Variants in ABCA13 observed in about 807,000 individuals in gnomAD.
The protein encoded by ABCA13 is ATP binding cassette subfamily A member 13, also known as ATP-binding cassette sub-family A member 13.
In ABCA13, 476 loss-of-function variants were observed where a neutral mutation model predicts 478.7. That is an observed-to-expected ratio of 0.99 (90% CI 0.92 to 1.07). The LOEUF is 1.07. Ranked by LOEUF, ABCA13 falls within the 50% of genes least tolerant of loss-of-function variation. ABCA13 has a pLI of 0.00. For synonymous variants in ABCA13, 2,252 were observed against 2,158.9 expected (o/e 1.04, Z -1.20); for missense variants, 6,060 against 5,910.6 (o/e 1.03, Z -0.83).
chr7:48,366,204 G>T (rs913820822), intron 31 of ABCA13, among the ~76,000 whole-genome samples: 3 of 152,012 alleles, frequency 2.0e-5, no homozygotes, highest in African/African-American at 7.2e-5. Context: ...GCTTCACTGT[G>T]ACCCGTGTTC....
rs373961065 is a variant in ABCA13 at position 48,245,882 on chromosome 7, T to A, written c.1511T>A (p.Val504Asp). Residue 504 changes from valine (V) to aspartate (D), a missense_variant, in exon 13 of 62, where the codon GTC becomes GAC. Coordinates refer to ENST00000435803, the MANE Select transcript of ABCA13 (RefSeq NM_152701.5). The stretch of plus-strand genomic sequence containing the variant: ...TTTTAGATGTTGGCGAAGAATGCTG[T>A]CTGCCCGAATGGTCGTTTCTCTGAG... ...ELKQMLAKNA[V>D]CPNGRFSEKE... 9.3e-6 allele frequency: 15 copies of A among 1,613,082 alleles called. No individual in the cohort carries two copies. Among genetic ancestry groups the A allele is most frequent in the Non-Finnish European group, 1.3e-5 (15 of 1,179,574 alleles).
chr7:48,357,061 C>G (rs1810040366), intron 31 of ABCA13, among the ~76,000 whole-genome samples: 1 of 151,834 alleles, frequency 6.6e-6, no homozygotes, highest in African/African-American at 2.4e-5. Context: ...CTGGGTCAGG[C>G]TGAGTGATGG....
intron 55 of ABCA13, among the ~76,000 whole-genome samples, chr7:48,544,484 T>C (rs1784635565): frequency 6.6e-6 from 1 of 151,568 alleles, no homozygotes; most frequent in Non-Finnish European, 1.5e-5. Flanking sequence ...TGATCACAAA[T>C]GACCAACGAT....
At chr7:48,174,299 T>A (rs1209293688) in intron 1 of ABCA13, among the ~76,000 whole-genome samples, 1 of 152,220 alleles carries the variant, frequency 6.6e-6, no homozygotes, top group Non-Finnish European at 1.5e-5. Context: ...CTGTTTTTTT[T>A]AGCTTTTTTT....
At chr7:48,478,246 T>G (rs1435288988) in intron 45 of ABCA13, among the ~76,000 whole-genome samples, 1 of 147,786 alleles carries the variant, frequency 6.8e-6, no homozygotes, top group African/African-American at 2.5e-5. Context: ...ATATAATATT[T>G]CATTTATATA....
At chr7:48,365,206 C>T (rs570558679) in intron 31 of ABCA13, among the ~76,000 whole-genome samples, 24 of 151,978 alleles carry the variant, frequency 1.6e-4, no homozygotes, top group African/African-American at 4.6e-4. Context: ...CATTTGTGGT[C>T]GTTTATTTTT....
rs1307996848 is a variant in ABCA13 at position 48,580,264 on chromosome 7, C to T, written c.14395C>T (p.Leu4799Phe). Residue 4799 changes from leucine (L) to phenylalanine (F), a missense_variant, in exon 56 of 62, where the codon CTC becomes TTC. Physicochemically the swap from Leu to Phe is conservative, Grantham distance 22. Coordinates refer to ENST00000435803, the MANE Select transcript of ABCA13 (RefSeq NM_152701.5). The stretch of plus-strand genomic sequence containing the variant: ...GTCTTCTGCTGGCACGGCAGGCGTG[C>T]TCATTGGCTACTGTCCCCAGCAGGA... ...DLSSAGTAGV[L>F]IGYCPQQDAL... 1.2e-6 allele frequency: 2 copies of T among 1,611,318 alleles called. No individual in the cohort carries two copies. Among genetic ancestry groups the T allele is most frequent in the Admixed American group, 1.7e-5 (1 of 59,732 alleles).
chr7:48,219,016 G>C (rs1321274959), intron 3 of ABCA13, among the ~76,000 whole-genome samples: 1 of 152,182 alleles, frequency 6.6e-6, no homozygotes, highest in Non-Finnish European at 1.5e-5. Context: ...TGTCCGTACT[G>C]TTCACTGATG....
chr7:48,260,262 G>T (rs1793991760), intron 15 of ABCA13, among the ~76,000 whole-genome samples: 1 of 151,996 alleles, frequency 6.6e-6, no homozygotes, highest in African/African-American at 2.4e-5. Context: ...TAACTGTGTT[G>T]TAATTTGAAT....
chr7:48,232,490 T>G (rs916091754), intron 7 of ABCA13, among the ~76,000 whole-genome samples: 2 of 152,156 alleles, frequency 1.3e-5, no homozygotes, highest in Non-Finnish European at 2.9e-5. Flanking sequence ...CAAAACATAC[T>G]TTGAGAGGTA....
At chr7:48,372,952 G>A (rs777556121) in intron 33 of ABCA13, among the ~76,000 whole-genome samples, 2 of 152,098 alleles carry the variant, frequency 1.3e-5, no homozygotes, top group African/African-American at 4.8e-5. Flanking sequence ...AAAAACGTAT[G>A]ATAACACTTT....
At chr7:48,367,625 A>G (rs1585032686) in intron 31 of ABCA13, among the ~76,000 whole-genome samples, 169 bp from the exon 32 acceptor site, 5 of 152,288 alleles carry the variant, frequency 3.3e-5, no homozygotes, top group Admixed American at 3.3e-4. Flanking sequence ...TTGCATACCT[A>G]CAAAATCAGC....
intron 55 of ABCA13, among the ~76,000 whole-genome samples, chr7:48,576,192 C>T (rs993445002): frequency 9.2e-5 from 14 of 152,126 alleles, no homozygotes; most frequent in African/African-American, 2.7e-4. Context: ...GAGTCCTAGA[C>T]CCACCCCCCA....
At chr7:48,349,124 G>A (rs1360636251) in intron 29 of ABCA13, among the ~76,000 whole-genome samples, 2 of 152,196 alleles carry the variant, frequency 1.3e-5, no homozygotes, top group Non-Finnish European at 2.9e-5. Context: ...CAAGTGCCCA[G>A]AATTGTACCT....
intron 3 of ABCA13, among the ~76,000 whole-genome samples, chr7:48,200,658 A>G (rs1264849881): frequency 6.6e-6 from 1 of 152,160 alleles, no homozygotes; most frequent in African/African-American, 2.4e-5. Flanking sequence ...AGGAAATTGT[A>G]AGGAGTAAGG....
Position 48,372,251 on chromosome 7 carries a change from T to G in ABCA13, c.10887T>G (p.Ser3629Arg), listed in dbSNP as rs781146355. 1 of 1,613,974 alleles carries G rather than the reference T, an allele frequency of 6.2e-7. No homozygotes were observed. The highest frequency in any genetic ancestry group is 1.1e-5 in the South Asian group (1 of 91,080). ...ACATGGCTGTGTTGACCATAAGCAGTGCTACTCTGGCCATCGTTCTGAAAA... is the reference window on the plus strand; with the variant it reads ...ACATGGCTGTGTTGACCATAAGCAGGGCTACTCTGGCCATCGTTCTGAAAA... ...LENMAVLTIS[S>R]ATLAIVLKTS... The change falls in exon 33 of 62, where the codon AGT becomes AGG. Residue 3629 changes from serine to arginine, a missense_variant. Ser to Arg is a moderately radical substitution (Grantham distance 110, BLOSUM62 -1). Coordinates refer to ENST00000435803, the MANE Select transcript of ABCA13 (RefSeq NM_152701.5).
intron 45 of ABCA13, among the ~76,000 whole-genome samples, chr7:48,477,994 C>A (rs1828325017): frequency 2.6e-5 from 4 of 151,312 alleles, no homozygotes; most frequent in Admixed American, 6.6e-5. Context: ...ATGGAAAACA[C>A]CATTTTAGAA....
At chr7:48,257,580 T>C (rs1334201574) in intron 15 of ABCA13, among the ~76,000 whole-genome samples, 2 of 152,242 alleles carry the variant, frequency 1.3e-5, no homozygotes, top group Non-Finnish European at 2.9e-5. Flanking sequence ...TTGTTTTTAG[T>C]TCTGTTTATG....
intron 41 of ABCA13, among the ~76,000 whole-genome samples, chr7:48,415,463 C>G (rs566490135): frequency 1.3e-5 from 2 of 152,234 alleles, no homozygotes; most frequent in South Asian, 2.1e-4. Flanking sequence ...TATTCATAAG[C>G]TCACTGGACT....
Sources: allele counts gnomAD v4.1 joint callset (sites outside exome capture counted in the v4.1 genomes callset), GRCh38; gene constraint gnomAD v4.1.1; transcripts MANE v1.5; gene names NCBI Gene and HGNC (gene_info 2026-07-23, HGNC 2026-07-21).